ZNF721: variants seen among roughly 807,000 people sequenced by gnomAD.
The protein encoded by ZNF721 is zinc finger protein 721.
Under a neutral mutation model 2.4 loss-of-function variants are expected in ZNF721, and 2 were observed. The observed-to-expected ratio is 0.82, with a 90% CI of 0.34 to 2.58. The LOEUF is 2.58. Among genes scored for constraint, ZNF721 ranks in the 30% most tolerant of loss-of-function variants. The probability of loss-of-function intolerance (pLI) is 0.11; values close to 1 mark genes in which losing one functional copy is unlikely to be tolerated. For synonymous variants in ZNF721, 398 were observed against 381.8 expected (o/e 1.04, Z -0.50); for missense variants, 1,187 against 1,085.5 (o/e 1.09, Z -1.31).
intron 2 of ZNF721, among the ~76,000 whole-genome samples, chr4:447,845 G>A (rs1213119483): frequency 1.3e-5 from 2 of 151,934 alleles, no homozygotes; most frequent in Admixed American, 6.6e-5. Context: ...GGAACTCAAC[G>A]ACAAATGTGT....
rs781890537 is a variant in ZNF721, at chr4:444,112, G to A, written c.355C>T (p.Gln119Ter). The part of the protein sequence containing the change: ...FKCNECGKSF[Q>*]KFSDLTQHKG... ...TGTTGAGTTAGGTCTGAGAACTTCT[G>A]AAATGACTTGCCACATTCGTTACAT... The change falls in exon 3 of 3, where the codon CAG (glutamine) becomes TAG (stop). Residue 119 changes from glutamine to a stop codon, truncating the protein, a stop_gained. Coordinates refer to ENST00000511833, the MANE Select transcript of ZNF721 (RefSeq NM_133474.4). LOFTEE classifies it low-confidence loss of function (END_TRUNC). 2 of 1,614,076 alleles carry A rather than the reference G, an allele frequency of 1.2e-6. No homozygotes were observed. Among genetic ancestry groups the A allele is most frequent in the South Asian group, 2.2e-5 (2 of 91,076 alleles).
chr4:473,541 T>C (rs1388527622), intron 1 of ZNF721, among the ~76,000 whole-genome samples: 3 of 152,104 alleles, frequency 2.0e-5, no homozygotes, highest in Non-Finnish European at 2.9e-5. Flanking sequence ...CAAGACCCGC[T>C]GGCAGCCCCC....
chr4:456,054 A>C (rs988910914), intron 2 of ZNF721, among the ~76,000 whole-genome samples: 1 of 148,470 alleles, frequency 6.7e-6, no homozygotes, highest in East Asian at 2.0e-4. Flanking sequence ...AAAAATTTTT[A>C]TTTATTTATT....
intron 1 of ZNF721, among the ~76,000 whole-genome samples, chr4:483,330 C>T (rs1320391067): frequency 6.6e-6 from 1 of 152,182 alleles, no homozygotes; most frequent in Non-Finnish European, 1.5e-5. Flanking sequence ...GCAGGTGGAT[C>T]ACCTGAGGTC....
chr4:495,202 A>T (rs1553872042), intron 1 of ZNF721, among the ~76,000 whole-genome samples: 1 of 151,834 alleles, frequency 6.6e-6, no homozygotes, highest in Non-Finnish European at 1.5e-5. Context: ...TTTAACAAAG[A>T]CATTTTTGTG....
intron 1 of ZNF721, among the ~76,000 whole-genome samples, chr4:478,110 G>A (rs542160697): frequency 3.3e-4 from 50 of 152,230 alleles, no homozygotes; most frequent in African/African-American, 1.2e-3. Context: ...TGGACCAGCC[G>A]ACTCCTCTTG....
At chr4:468,378 C>G (rs1213971245) in intron 2 of ZNF721, among the ~76,000 whole-genome samples, 2 of 151,072 alleles carry the variant, frequency 1.3e-5, no homozygotes, top group African/African-American at 4.9e-5. Flanking sequence ...TGCAGTGAGC[C>G]AAGTTCATGG....
intron 2 of ZNF721, among the ~76,000 whole-genome samples, chr4:471,512 A>T (rs1715432131): frequency 6.6e-6 from 1 of 152,202 alleles, no homozygotes; most frequent in African/African-American, 2.4e-5. Flanking sequence ...ATGTAAACTC[A>T]TAAAAGCAGA....
rs184634248 is a variant in ZNF721 at position 488,036 on chromosome 4, A to C, written c.-94+11020T>G. On this transcript the variant is annotated intron_variant, in intron 1 of 2. Coordinates refer to ENST00000511833, the MANE Select transcript of ZNF721 (RefSeq NM_133474.4). ...CCTCAGCCTTTGATTAGCCAAGGACAAAATCCTTCATTCAGATAAGGGGTA... is the reference window on the plus strand; with the variant it reads ...CCTCAGCCTTTGATTAGCCAAGGACCAAATCCTTCATTCAGATAAGGGGTA... Among the ~76,000 whole-genome samples, 579 of 152,306 alleles carry C rather than the reference A, an allele frequency of 3.8e-3. 6 individuals are homozygous for C. Among genetic ancestry groups the C allele is most frequent in the South Asian group, 0.036 (174 of 4,830 alleles).
In ZNF721 at chr4:454,985, G is replaced by A. The variant is rs539792068; in HGVS notation, c.35-10553C>T. Among the ~76,000 whole-genome samples, 9 of 152,274 alleles carry A rather than the reference G, an allele frequency of 5.9e-5. No individual in the cohort carries two copies. The East Asian group carries it at 1.2e-3, about 20-fold the overall frequency. ...AAAAAGAGCTAGGGTCCCACACTGC[G>A]CCAAAGCTTCACGAGACCTCTCCTC... is the stretch of plus-strand genomic sequence containing the variant. On this transcript the variant is annotated intron_variant, in intron 2 of 2. Coordinates refer to ENST00000511833, the MANE Select transcript of ZNF721 (RefSeq NM_133474.4).
Position 441,109 on chromosome 4 carries a change from T to C in ZNF721, c.*586A>G, listed in dbSNP as rs567959883. The C allele has an allele frequency of 6.6e-5, 10 of 152,422 alleles. No homozygotes were observed. The highest frequency in any genetic ancestry group is 2.2e-4 in the African/African-American group (9 of 41,598). 9.4% of individuals were successfully genotyped at this position (152,422 alleles called of 1,614,324 possible). ...GTTTTCCTCTAGTACAAAATGCATA[T>C]AGTAAGTTCTGGGATACAAGTACAG... is the stretch of plus-strand genomic sequence containing the variant. On this transcript the variant is annotated 3_prime_UTR_variant, in exon 3 of 3. Transcript: ENST00000511833.
chr4:441,837 G>T lies in ZNF721; in HGVS notation c.2630C>A (p.Ser877Tyr). Residue 877 changes from serine (S) to tyrosine (Y), a missense_variant, in exon 3 of 3, where the codon TCT (serine) becomes TAT (tyrosine). Physicochemically the swap from Ser to Tyr is moderately radical, Grantham distance 144. Coordinates refer to ENST00000511833, the MANE Select transcript of ZNF721 (RefSeq NM_133474.4). ...CGECGKTFRQ[S>Y]ANLYAHKKIH... Reference sequence around the variant, plus strand: ...TTTCTTATGCGCATAAAGATTTGCAGACTGTCTAAAGGTTTTGCCACATTC... The same window carrying T: ...TTTCTTATGCGCATAAAGATTTGCATACTGTCTAAAGGTTTTGCCACATTC... 6.2e-7 allele frequency: 1 copy of T among 1,613,944 alleles called. No individual in the cohort carries two copies. Among genetic ancestry groups the T allele is most frequent in the Non-Finnish European group, 8.5e-7 (1 of 1,179,948 alleles).
chr4:488,431 T>C (rs1274708169), intron 1 of ZNF721, among the ~76,000 whole-genome samples: 1 of 152,148 alleles, frequency 6.6e-6, no homozygotes, highest in East Asian at 1.9e-4. Flanking sequence ...CTTTAATCTA[T>C]TCCCTCCACA....
chr4:449,916 T>C (rs182624299), intron 2 of ZNF721, among the ~76,000 whole-genome samples: 151 of 152,102 alleles, frequency 9.9e-4, no homozygotes, highest in African/African-American at 3.0e-3. Context: ...TGAGAATGAA[T>C]AGAAAAGGAA....
In ZNF721 at chr4:443,886, G is replaced by A; in HGVS notation, c.581C>T (p.Thr194Ile). ...AAAGGCTCTGTCACGATCTTCACCT[G>A]TGTAAGCTTTCTCTCTGTTGTGAAT... The part of the protein sequence containing the change: ...KRIHNREKAY[T>I]GEDRDRAFGW... Residue 194 changes from threonine (T) to isoleucine (I), a missense_variant, in exon 3 of 3, where the codon ACA (threonine) becomes ATA (isoleucine). Coordinates refer to ENST00000511833, the MANE Select transcript of ZNF721 (RefSeq NM_133474.4). The A allele has an allele frequency of 5.6e-6, 9 of 1,613,876 alleles. No individual in the cohort carries two copies. The highest frequency in any genetic ancestry group is 7.6e-6 in the Non-Finnish European group (9 of 1,179,918).
chr4:456,511 TTGAA>T (rs1463067863), intron 2 of ZNF721, among the ~76,000 whole-genome samples: 1 of 152,216 alleles, frequency 6.6e-6, no homozygotes, highest in African/African-American at 2.4e-5. Flanking sequence ...TGATTTTTAT[TTGAA>T]TGAATTTTAT....
chr4:488,864 A>T (rs1317420814), intron 1 of ZNF721, among the ~76,000 whole-genome samples: 3 of 152,014 alleles, frequency 2.0e-5, no homozygotes, highest in African/African-American at 7.2e-5. Flanking sequence ...AAATAAAAGG[A>T]AGAGGAACCC....
At chr4:485,697 T>C (rs781817581) in intron 1 of ZNF721, among the ~76,000 whole-genome samples, 1 of 152,196 alleles carries the variant, frequency 6.6e-6, no homozygotes, top group Non-Finnish European at 1.5e-5. Flanking sequence ...CTAAAGATTC[T>C]GGCTTAACTG....
chr4:491,169 T>G (rs1051807009), intron 1 of ZNF721, among the ~76,000 whole-genome samples: 11 of 152,298 alleles, frequency 7.2e-5, no homozygotes, highest in African/African-American at 2.6e-4. Context: ...GGCTCACACA[T>G]GTAACCCCAG....
Sources: gnomAD v4.1 joint callset for allele counts (sites outside exome capture counted in the v4.1 genomes callset) on GRCh38, gnomAD v4.1.1 for gene constraint, MANE v1.5 for transcripts, NCBI Gene and HGNC (gene_info 2026-07-23, HGNC 2026-07-21) for gene names.